The following DMD variants were observed in gnomAD, a reference collection of about 807,000 sequenced individuals.
DMD encodes mutant dystrophin.
A neutral mutation model predicts 330.1 loss-of-function variants in DMD; 63 were observed. That is an observed-to-expected ratio of 0.19 (90% CI 0.16 to 0.24). DMD has a LOEUF of 0.24. Ranked by LOEUF, DMD falls within the 10% of genes least tolerant of loss-of-function variation. The pLI is 1.00. For missense variants in DMD, 3,344 were observed against 2,684.1 expected, an observed-to-expected ratio of 1.25 and a Z score of -5.43; for synonymous variants, 1,223 against 959.8, an observed-to-expected ratio of 1.27 and a Z score of -5.07.
intron 63 of DMD, among the ~76,000 whole-genome samples, chrX:31,259,504 A>C (rs1348157797): frequency 8.9e-6 from 1 of 112,060 alleles, no homozygotes; most frequent in Non-Finnish European, 1.9e-5. Context: ...GGGGCTGGAA[A>C]TGTAGCACTT....
At chrX:33,054,570 G>A (rs2094496266) in intron 1 of DMD, among the ~76,000 whole-genome samples, 1 of 112,446 alleles carries the variant, frequency 8.9e-6, no homozygotes, top group Non-Finnish European at 1.9e-5. Flanking sequence ...GGAAAACATT[G>A]AATTAAGTCA....
At chrX:32,863,927 T>C (rs2082285208) in intron 2 of DMD, among the ~76,000 whole-genome samples, 1 of 111,703 alleles carries the variant, frequency 9.0e-6, no homozygotes, top group Non-Finnish European at 1.9e-5. Flanking sequence ...TACAGGAAGT[T>C]CCAAATCAAA....
chrX:31,254,348 A>G (rs1166310949), intron 63 of DMD, among the ~76,000 whole-genome samples: 2 of 110,560 alleles, frequency 1.8e-5, no homozygotes, highest in South Asian at 3.9e-4. Context: ...CCCCCCCCCA[A>G]TAAGACAGGC....
intron 2 of DMD, among the ~76,000 whole-genome samples, chrX:32,925,297 C>T (rs1402866805): frequency 9.2e-6 from 1 of 109,058 alleles, no homozygotes; most frequent in Non-Finnish European, 1.9e-5. Context: ...TAACGTTGTA[C>T]TGGCAATACT....
chrX:31,248,550 T>C (rs1221012171), intron 63 of DMD, among the ~76,000 whole-genome samples: 2 of 112,123 alleles, frequency 1.8e-5, no homozygotes, highest in East Asian at 2.8e-4. Context: ...TTTATGTTTC[T>C]TGTTCCCGAA....
intron 1 of DMD, among the ~76,000 whole-genome samples, chrX:33,141,803 A>T (rs1439779787): frequency 8.9e-6 from 1 of 111,757 alleles, no homozygotes; most frequent in Non-Finnish European, 1.9e-5. Context: ...CCAAGCAGTG[A>T]ATCCACAAAA....
At chrX:32,560,851 T>A (rs1442147799) in intron 16 of DMD, among the ~76,000 whole-genome samples, 3 of 112,073 alleles carry the variant, frequency 2.7e-5, no homozygotes, top group Non-Finnish European at 5.6e-5. Context: ...GATGGGCATT[T>A]GGGTTGATTC....
At chrX:33,009,532 G>A (rs192100210) in intron 2 of DMD, among the ~76,000 whole-genome samples, 3 of 74,880 alleles carry the variant, frequency 4.0e-5, no homozygotes, top group Non-Finnish European at 7.3e-5. Flanking sequence ...GTGTATGTGT[G>A]TATGTGTATA....
intron 60 of DMD, among the ~76,000 whole-genome samples, chrX:31,421,965 ATATATATACACATATATATATG>A (rs1230963346): frequency 1.5e-4 from 11 of 71,779 alleles, no homozygotes; most frequent in Non-Finnish European, 2.3e-4. Flanking sequence ...ATATACACAT[ATATATATACACATATATATATG>A]TATATATACA....
In DMD at chrX:32,565,719, C is replaced by T. The variant is rs748567438; in HGVS notation, c.1975G>A (p.Glu659Lys). The change falls in exon 16 of 79, where the codon GAA (glutamate) becomes AAA (lysine). Residue 659 changes from glutamate (E) to lysine (K), a missense_variant. Glu to Lys is a moderately conservative substitution (Grantham distance 56, BLOSUM62 1). Transcript: ENST00000357033. ...TCACTAACCTGTGCTGTACTCTTTT[C>T]AAGTTTTTGGACTAAATTATCCCAA... ...RCWDNLVQKL[E>K]KSTAQISQAV... 8 of 1,209,968 alleles carry T rather than the reference C, an allele frequency of 6.6e-6. No homozygotes were observed. In the Admixed American group the frequency reaches 1.5e-4, roughly 23 times the overall value.
At position 32,822,704 on chromosome X, in the gene DMD, T is replaced by TAC. The variant is rs757600776; in HGVS notation, c.357+589_357+590dup. ...ACATTATATATATACGCATATATAC[T>TAC]ACACACACACACACACGGGTGTGTG... On this transcript the variant is annotated intron_variant, in intron 5 of 78. Coordinates refer to ENST00000357033, the MANE Select transcript of DMD (RefSeq NM_004006.3). Among the ~76,000 whole-genome samples, 462 of 108,515 alleles carry TAC rather than the reference T, an allele frequency of 4.3e-3. 2 individuals carry two copies. Among genetic ancestry groups the TAC allele is most frequent in the East Asian group, 0.037 (128 of 3,429 alleles). 94.2% of individuals were successfully genotyped at this position (108,515 alleles called of 115,157 possible).
intron 9 of DMD, among the ~76,000 whole-genome samples, chrX:32,687,582 G>A (rs375043567): frequency 1.3e-4 from 14 of 110,648 alleles, no homozygotes; most frequent in African/African-American, 3.9e-4. Context: ...ATTAAATAAG[G>A]CCACATATAC....
intron 37 of DMD, 37 bp from the exon 38 acceptor site, chrX:32,348,565 A>G: frequency 4.4e-6 from 5 of 1,134,549 alleles, no homozygotes; most frequent in Non-Finnish European, 6.0e-6. Context: ...AATCAAAATT[A>G]CTTTTTATTA....
At chrX:32,426,797 T>C (rs951458895) in intron 29 of DMD, among the ~76,000 whole-genome samples, 11 of 111,684 alleles carry the variant, frequency 9.8e-5, no homozygotes, top group Non-Finnish European at 2.1e-4. Context: ...GGAGTTCGTG[T>C]CCTTTGCAGG....
intron 29 of DMD, among the ~76,000 whole-genome samples, chrX:32,415,655 T>C (rs1412638729): frequency 8.9e-6 from 1 of 112,277 alleles, no homozygotes; most frequent in Non-Finnish European, 1.9e-5. Flanking sequence ...TGTTATTTCA[T>C]GTCTTTAGCT....
chrX:31,974,978 G>C (rs183857495), intron 44 of DMD, among the ~76,000 whole-genome samples: 91 of 109,729 alleles, frequency 8.3e-4, no homozygotes, highest in African/African-American at 2.7e-3. Flanking sequence ...AGAGCTTTAA[G>C]TACTACATGT....
chrX:33,281,840 T>A (rs1046133471), intron 1 of DMD, among the ~76,000 whole-genome samples: 12 of 107,896 alleles, frequency 1.1e-4, no homozygotes, highest in African/African-American at 4.1e-4. Context: ...GTGATGCTGG[T>A]ACTCTCAAAA....
chrX:32,488,933 G>A (rs1384632035), intron 20 of DMD, among the ~76,000 whole-genome samples: 1 of 110,603 alleles, frequency 9.0e-6, no homozygotes, highest in Non-Finnish European at 1.9e-5. Context: ...TGTTCCTTCT[G>A]CCTGGAATCT....
chrX:31,437,786 T>C (rs1477121644), intron 60 of DMD, among the ~76,000 whole-genome samples: 1 of 106,832 alleles, frequency 9.4e-6, no homozygotes, highest in Non-Finnish European at 1.9e-5. Flanking sequence ...CATTCTTTTT[T>C]TGGTACTAAG....
Sources: gnomAD v4.1 joint callset for allele counts (sites outside exome capture counted in the v4.1 genomes callset) on GRCh38, gnomAD v4.1.1 for gene constraint, MANE v1.5 for transcripts, NCBI Gene and HGNC (gene_info 2026-07-23, HGNC 2026-07-21) for gene names.